CSMD3: variants seen among roughly 807,000 people sequenced by gnomAD.
CSMD3 encodes CUB and sushi domain-containing protein 3.
CSMD3 carries 177 observed loss-of-function variants against 435.2 expected under a neutral mutation model. That is an observed-to-expected ratio of 0.41 (90% CI 0.36 to 0.46). The LOEUF (loss-of-function observed/expected upper bound fraction) is 0.46. Among genes scored for constraint, CSMD3 ranks in the 20% least tolerant of loss-of-function variants. CSMD3 has a pLI of 0.34. For missense variants in CSMD3, 4,265 were observed against 4,504.6 expected (o/e 0.95, Z 1.52); for synonymous variants, 1,656 against 1,520.5 (o/e 1.09, Z -2.07).
chr8:112,702,288 C>T (rs1196917407), intron 13 of CSMD3, among the ~76,000 whole-genome samples: 1 of 152,014 alleles, frequency 6.6e-6, no homozygotes, highest in African/African-American at 2.4e-5. Flanking sequence ...TTCTTAAGCA[C>T]TATACCCTCT....
intron 13 of CSMD3, among the ~76,000 whole-genome samples, chr8:112,790,486 GT>G (rs2078660231): frequency 1.3e-5 from 2 of 150,850 alleles, no homozygotes; most frequent in Admixed American, 1.3e-4. Context: ...TCAGGATTAA[GT>G]GGTTGATTAT....
At chr8:112,808,822 C>T (rs2079154495) in intron 12 of CSMD3, among the ~76,000 whole-genome samples, 1 of 151,924 alleles carries the variant, frequency 6.6e-6, no homozygotes, top group Admixed American at 6.6e-5. Flanking sequence ...GAGCGCTAGC[C>T]GTCTCTCGGT....
At chr8:112,532,420 A>G (rs772236947) in intron 27 of CSMD3, among the ~76,000 whole-genome samples, 6 of 152,168 alleles carry the variant, frequency 3.9e-5, no homozygotes, top group African/African-American at 1.2e-4. Flanking sequence ...GCATTTAATA[A>G]TCAAACTCTC....
chr8:112,911,510 T>C (rs1003490014), intron 10 of CSMD3, among the ~76,000 whole-genome samples: 32 of 151,700 alleles, frequency 2.1e-4, no homozygotes, highest in African/African-American at 7.5e-4. Context: ...CATACAATGT[T>C]TGTCTTTGTG....
At chr8:112,737,834 A>C (rs1170099383) in intron 13 of CSMD3, among the ~76,000 whole-genome samples, 2 of 151,872 alleles carry the variant, frequency 1.3e-5, no homozygotes, top group Admixed American at 1.3e-4. Flanking sequence ...TGTAACAATG[A>C]AGAAAAACCC....
Position 112,390,663 on chromosome 8 carries a change from C to T in CSMD3, c.5934+1G>A, listed in dbSNP as rs2129720268. 6.2e-7 allele frequency: 1 copy of T among 1,612,058 alleles called. No homozygotes were observed. The highest frequency in any genetic ancestry group is 8.5e-7 in the Non-Finnish European group (1 of 1,178,158). ...AAGAAGAAAAACTTAAATATTCTTACTTGAATGCCAGCTCCCTCTGGCACT... is the reference window on the plus strand; with the variant it reads ...AAGAAGAAAAACTTAAATATTCTTATTTGAATGCCAGCTCCCTCTGGCACT... On this transcript the variant is annotated splice_donor_variant, in intron 36 of 70. Transcript: ENST00000297405. LOFTEE classifies it high-confidence loss of function.
intron 70 of CSMD3, 35 bp from the exon 71 acceptor site, chr8:112,224,965 C>T (rs1812436892): frequency 5.0e-6 from 8 of 1,605,614 alleles, no homozygotes; most frequent in Non-Finnish European, 6.8e-6. Context: ...TATGTGTTAA[C>T]TTTCTTCCAG....
At chr8:112,864,749 T>C (rs1435111911) in intron 10 of CSMD3, among the ~76,000 whole-genome samples, 1 of 152,142 alleles carries the variant, frequency 6.6e-6, no homozygotes, top group African/African-American at 2.4e-5. Context: ...AGATAGGGCA[T>C]GTTCTGAATG....
rs201040975 is a variant in CSMD3 at position 112,472,628 on chromosome 8, A to T, written c.5358T>A (p.His1786Gln). 1.9e-6 allele frequency: 3 copies of T among 1,608,188 alleles called. No homozygotes were observed. In the African/African-American group the frequency reaches 4.0e-5, roughly 21 times the overall value. The change falls in exon 32 of 71, where the codon CAT becomes CAA. Residue 1786 changes from histidine (H) to glutamine (Q), a missense_variant. Physicochemically the swap from His to Gln is conservative, Grantham distance 24. Around this residue, in one of 3 missense-constraint regions of CSMD3, gnomAD observed 3,255 missense variants for 3,380.2 expected, o/e 0.96. Coordinates refer to ENST00000297405, the MANE Select transcript of CSMD3 (RefSeq NM_198123.2). Reference protein sequence around the residue: ...PNYPKNYSVGHNCVYSIAVPK... With the variant: ...PNYPKNYSVGQNCVYSIAVPK... ...GAACTGCTATAGAATAAACACAATT[A>T]TGTCCCACACTGTAATTTTTTGGAT... is the stretch of plus-strand genomic sequence containing the variant.
intron 9 of CSMD3, among the ~76,000 whole-genome samples, chr8:112,940,444 GA>G (rs1463171568): frequency 1.3e-5 from 2 of 151,654 alleles, no homozygotes; most frequent in Non-Finnish European, 3.0e-5. Context: ...CTTTCCCACA[GA>G]AAGAAAGTCT....
At chr8:112,683,260 T>C (rs2075940768) in intron 15 of CSMD3, among the ~76,000 whole-genome samples, 1 of 152,062 alleles carries the variant, frequency 6.6e-6, no homozygotes, top group South Asian at 2.1e-4. Flanking sequence ...GAATAGCTGA[T>C]GAGGAAAGTA....
chr8:113,243,381 G>T (rs1204371156), intron 3 of CSMD3, among the ~76,000 whole-genome samples: 2 of 151,516 alleles, frequency 1.3e-5, no homozygotes, highest in East Asian at 1.9e-4. Context: ...AATATAGATT[G>T]TAGTCTTCTG....
At chr8:112,613,951 T>G (rs570708485) in intron 22 of CSMD3, among the ~76,000 whole-genome samples, 3 of 152,214 alleles carry the variant, frequency 2.0e-5, no homozygotes, top group African/African-American at 7.2e-5. Flanking sequence ...AGCAAAACTT[T>G]GTCGTAGAAT....
intron 3 of CSMD3, among the ~76,000 whole-genome samples, chr8:113,270,141 T>C (rs1563632255): frequency 6.6e-6 from 1 of 152,154 alleles, no homozygotes; most frequent in Middle Eastern, 3.4e-3. Context: ...CATCAATAAG[T>C]GGGTGAGGGA....
At chr8:112,259,872 T>C (rs1055133846) in intron 61 of CSMD3, among the ~76,000 whole-genome samples, 3 of 152,166 alleles carry the variant, frequency 2.0e-5, no homozygotes, top group African/African-American at 7.2e-5. Context: ...GCTGAAGCAA[T>C]TGTTTCTATA....
At chr8:112,605,614 A>C (rs1832728908) in intron 22 of CSMD3, among the ~76,000 whole-genome samples, 1 of 150,938 alleles carries the variant, frequency 6.6e-6, no homozygotes, top group Non-Finnish European at 1.5e-5. Flanking sequence ...CAATAAACAC[A>C]AAGTGAAGGG....
At chr8:112,839,841 T>A (rs1275534723) in intron 11 of CSMD3, among the ~76,000 whole-genome samples, 3 of 151,730 alleles carry the variant, frequency 2.0e-5, no homozygotes, top group African/African-American at 7.3e-5. Context: ...ATACAGATAT[T>A]TATATACTTT....
chr8:113,063,070 GA>G (rs543188559), intron 5 of CSMD3, among the ~76,000 whole-genome samples: 10,150 of 143,192 alleles, frequency 0.071, 453 homozygotes, highest in Non-Finnish European at 0.099. Flanking sequence ...TTTCCAGAAA[GA>G]AAAAAAAAAT....
intron 2 of CSMD3, among the ~76,000 whole-genome samples, chr8:113,306,224 C>A (rs1409880196): frequency 6.6e-6 from 1 of 152,058 alleles, no homozygotes; most frequent in African/African-American, 2.4e-5. Flanking sequence ...CACTCTATGC[C>A]ATTGAGTCAG....
Sources: gnomAD v4.1 joint callset for allele counts (sites outside exome capture counted in the v4.1 genomes callset) on GRCh38, gnomAD v4.1.1 for gene constraint, gnomAD v4.1.1 regional missense constraint, MANE v1.5 for transcripts, NCBI Gene and HGNC (gene_info 2026-07-23, HGNC 2026-07-21) for gene names.